The following CSMD1 variants were observed in gnomAD, a reference collection of about 807,000 sequenced individuals.
CSMD1 encodes the protein CUB and Sushi multiple domains 1, also known as CUB and sushi domain-containing protein 1.
CSMD1 carries 213 observed loss-of-function variants against 417.5 expected under a neutral mutation model. That is an observed-to-expected ratio of 0.51 (90% CI 0.46 to 0.57). CSMD1 has a LOEUF of 0.57. Among genes scored for constraint, CSMD1 ranks in the 20% least tolerant of loss-of-function variants. CSMD1 has a pLI of 0.00. For missense variants in CSMD1, 6,923 were observed against 4,529.7 expected (o/e 1.53, Z -15.17); for synonymous variants, 2,862 against 1,736.8 (o/e 1.65, Z -16.11).
intron 4 of CSMD1, among the ~76,000 whole-genome samples, chr8:4,015,209 A>T (rs945156885): frequency 1.3e-5 from 2 of 152,328 alleles, no homozygotes; most frequent in African/African-American, 4.8e-5. Flanking sequence ...TCCTGACGTG[A>T]CAGATCATTT....
chr8:4,578,332 A>AT (rs1172600205), intron 2 of CSMD1, among the ~76,000 whole-genome samples: 24,892 of 48,594 alleles, frequency 0.51, 8,787 homozygotes, highest in East Asian at 0.68. Flanking sequence ...CACCCGGCTC[A>AT]TTTTTTTTTT....
chr8:3,705,140 C>T (rs78859911), intron 7 of CSMD1, among the ~76,000 whole-genome samples: 4,223 of 152,220 alleles, frequency 0.028, 186 homozygotes, highest in African/African-American at 0.096. Flanking sequence ...AATCTGGGGA[C>T]ACCACCAGGG....
intron 58 of CSMD1, among the ~76,000 whole-genome samples, 177 bp from the exon 59 acceptor site, chr8:2,966,131 C>T (rs571826613): frequency 1.3e-5 from 2 of 152,294 alleles, no homozygotes; most frequent in East Asian, 3.9e-4. Flanking sequence ...TCAGAAGGAA[C>T]ACTTGTATTT....
intron 2 of CSMD1, among the ~76,000 whole-genome samples, chr8:4,486,654 G>C (rs1652545): frequency 0.014 from 2,183 of 152,114 alleles, 49 homozygotes; most frequent in African/African-American, 0.05. Flanking sequence ...CATACATATA[G>C]ATGGGGAAAC....
At chr8:4,092,394 G>T (rs1188185334) in intron 3 of CSMD1, among the ~76,000 whole-genome samples, 1 of 152,096 alleles carries the variant, frequency 6.6e-6, no homozygotes, top group Non-Finnish European at 1.5e-5. Flanking sequence ...TCCACCGTAA[G>T]GCAATGAACT....
At chr8:4,856,807 A>C (rs992598931) in intron 1 of CSMD1, among the ~76,000 whole-genome samples, 1 of 151,114 alleles carries the variant, frequency 6.6e-6, no homozygotes, top group African/African-American at 2.4e-5. Context: ...ACTCCCACAC[A>C]TTAATAATGG....
chr8:4,555,916 A>C (rs1447642291), intron 2 of CSMD1, among the ~76,000 whole-genome samples: 3 of 152,166 alleles, frequency 2.0e-5, no homozygotes, highest in Non-Finnish European at 4.4e-5. Context: ...TGTGTAAAAT[A>C]TGAAGAAACT....
chr8:3,737,687 T>C (rs1796594877), intron 6 of CSMD1, among the ~76,000 whole-genome samples: 1 of 152,202 alleles, frequency 6.6e-6, no homozygotes, highest in Non-Finnish European at 1.5e-5. Flanking sequence ...AATTACAATT[T>C]CTTGTCTTCA....
chr8:3,712,747 C>G (rs1424125925), intron 6 of CSMD1, among the ~76,000 whole-genome samples: 1 of 152,068 alleles, frequency 6.6e-6, no homozygotes, highest in Non-Finnish European at 1.5e-5. Context: ...CAATGCACGC[C>G]AAAGTTAGTC....
intron 2 of CSMD1, among the ~76,000 whole-genome samples, chr8:4,592,830 A>G (rs1160094526): frequency 6.6e-6 from 1 of 152,144 alleles, no homozygotes; most frequent in Non-Finnish European, 1.5e-5. Flanking sequence ...TTGTTTAATC[A>G]TTGTAATACT....
intron 1 of CSMD1, among the ~76,000 whole-genome samples, chr8:4,689,085 T>G (rs1474885218): frequency 1.3e-5 from 2 of 152,216 alleles, no homozygotes; most frequent in Non-Finnish European, 2.9e-5. Context: ...CATTTGCACC[T>G]GTATTGATAA....
chr8:3,409,137 G>C (rs1366100435), intron 13 of CSMD1, among the ~76,000 whole-genome samples: 1 of 152,174 alleles, frequency 6.6e-6, no homozygotes, highest in African/African-American at 2.4e-5. Flanking sequence ...ATCATCACTG[G>C]CTTTTGATGG....
intron 26 of CSMD1, among the ~76,000 whole-genome samples, chr8:3,274,819 TG>T (rs1236938537): frequency 1.3e-5 from 2 of 152,222 alleles, no homozygotes; most frequent in African/African-American, 4.8e-5. Flanking sequence ...AGCCTATGTG[TG>T]TCTGTACCCG....
At chr8:4,714,654 C>T (rs1294764435) in intron 1 of CSMD1, among the ~76,000 whole-genome samples, 1 of 151,970 alleles carries the variant, frequency 6.6e-6, no homozygotes, top group African/African-American at 2.4e-5. Context: ...CCCAGAAAGA[C>T]ATACTTGTCT....
At chr8:4,470,158 G>GT (rs1338319143) in intron 2 of CSMD1, among the ~76,000 whole-genome samples, 1 of 151,976 alleles carries the variant, frequency 6.6e-6, no homozygotes, top group Admixed American at 6.6e-5. Flanking sequence ...GTGGCCTTTG[G>GT]TTTTCATAAC....
chr8:3,588,129 C>T (rs1324162307), intron 8 of CSMD1, among the ~76,000 whole-genome samples: 1 of 150,196 alleles, frequency 6.7e-6, no homozygotes, highest in African/African-American at 2.5e-5. Context: ...AGGTATCAGT[C>T]TCCAGTTCTT....
chr8:3,866,690 C>G lies in CSMD1; in HGVS notation c.819-112648G>C, dbSNP rs181357685. ...TAAGATTTCTATAGATACAGCTGTT[C>G]TCAAAGCTATTCCATAAGGTAGTCC... On this transcript the variant is annotated intron_variant, in intron 5 of 69. Transcript: ENST00000635120. Among the ~76,000 whole-genome samples the G allele has an allele frequency of 1.0e-3, 158 of 152,254 alleles. 1 individual carries two copies. The highest frequency in any genetic ancestry group is 3.6e-3 in the African/African-American group (150 of 41,542).
intron 3 of CSMD1, among the ~76,000 whole-genome samples, chr8:4,299,556 C>A (rs1030399537): frequency 6.6e-6 from 1 of 152,194 alleles, no homozygotes; most frequent in Admixed American, 6.5e-5. Context: ...TCTAGCTTCT[C>A]ATAAAATTTA....
At chr8:3,425,541 T>A (rs950460947) in intron 12 of CSMD1, among the ~76,000 whole-genome samples, 1 of 147,916 alleles carries the variant, frequency 6.8e-6, no homozygotes, top group African/African-American at 2.5e-5. Flanking sequence ...TGATCTGAGA[T>A]TGCGCCACTG....
Sources: gnomAD v4.1 joint callset for allele counts (sites outside exome capture counted in the v4.1 genomes callset) on GRCh38, gnomAD v4.1.1 for gene constraint, MANE v1.5 for transcripts, NCBI Gene and HGNC (gene_info 2026-07-23, HGNC 2026-07-21) for gene names.